DLG2: variants seen among roughly 807,000 people sequenced by gnomAD.
The protein encoded by DLG2 is disks large homolog 2.
In DLG2, 45 loss-of-function variants were observed where a neutral mutation model predicts 132.5. The observed-to-expected ratio is 0.34, with a 90% CI of 0.27 to 0.44. DLG2 has a LOEUF of 0.44. Ranked by LOEUF, DLG2 falls within the 20% of genes least tolerant of loss-of-function variation. DLG2 has a pLI of 1.00. For synonymous variants in DLG2, 424 were observed against 419.6 expected (o/e 1.01, Z -0.13); for missense variants, 1,045 against 1,196.9 (o/e 0.87, Z 1.87).
intron 15 of DLG2, among the ~76,000 whole-genome samples, chr11:83,919,242 T>C (rs900770559): frequency 1.8e-4 from 27 of 152,134 alleles, no homozygotes; most frequent in Admixed American, 1.3e-4. Flanking sequence ...ATGTCCAGTG[T>C]AGCTTAGGGT....
Position 85,076,958 on chromosome 11 carries a change from T to C in DLG2, c.357+34703A>G, listed in dbSNP as rs1319266035. On this transcript the variant is annotated intron_variant, in intron 6 of 27. Transcript: ENST00000376104. ...AATGAAGACACCCATTAATTCATTC[T>C]ACATATATTTATTTAGTGTTGTGCT... Among the ~76,000 whole-genome samples, 10 of 152,064 alleles carry C rather than the reference T, an allele frequency of 6.6e-5. 1 individual carries two copies. Among genetic ancestry groups the C allele is most frequent in the Admixed American group, 3.3e-4 (5 of 15,252 alleles).
intron 18 of DLG2, among the ~76,000 whole-genome samples, chr11:83,777,478 C>G (rs1339199064): frequency 6.6e-6 from 1 of 152,104 alleles, no homozygotes; most frequent in Non-Finnish European, 1.5e-5. Flanking sequence ...TCTTTAATGT[C>G]CTGAAATTGA....
intron 7 of DLG2, among the ~76,000 whole-genome samples, chr11:84,509,329 A>C (rs893480652): frequency 2.0e-5 from 3 of 152,244 alleles, no homozygotes. Flanking sequence ...AGGAAATTAC[A>C]ATCCTCAAGC....
chr11:83,692,009 C>T (rs945957801), intron 18 of DLG2: 4 of 152,138 alleles, frequency 2.6e-5, no homozygotes, highest in Non-Finnish European at 4.4e-5. Context: ...ATTTGTTATT[C>T]CCATTTTATA....
At chr11:85,004,586 G>T (rs1378134941) in intron 6 of DLG2, among the ~76,000 whole-genome samples, 4 of 152,036 alleles carry the variant, frequency 2.6e-5, no homozygotes, top group African/African-American at 9.7e-5. Context: ...TTGTAAATTT[G>T]TTTATATTAT....
At chr11:83,748,777 T>C (rs986108674) in intron 18 of DLG2, among the ~76,000 whole-genome samples, 1 of 152,168 alleles carries the variant, frequency 6.6e-6, no homozygotes, top group African/African-American at 2.4e-5. Flanking sequence ...CGGTAGAAAA[T>C]AGAAATGTAT....
chr11:84,092,802 C>G (rs766230609), intron 10 of DLG2, among the ~76,000 whole-genome samples: 1 of 152,040 alleles, frequency 6.6e-6, no homozygotes, highest in Non-Finnish European at 1.5e-5. Flanking sequence ...CTTTGGGAGG[C>G]TGAGGTGGGC....
intron 3 of DLG2, among the ~76,000 whole-genome samples, chr11:85,291,860 C>T (rs1317993876): frequency 1.3e-5 from 2 of 152,126 alleles, no homozygotes; most frequent in Admixed American, 6.5e-5. Flanking sequence ...GCTGGGATTA[C>T]AGGCATAAGC....
intron 6 of DLG2, among the ~76,000 whole-genome samples, chr11:85,082,668 A>T (rs770498775): frequency 2.0e-5 from 3 of 151,964 alleles, no homozygotes; most frequent in Non-Finnish European, 4.4e-5. Context: ...AAAGTAAATT[A>T]AAAAAACAAT....
intron 3 of DLG2, among the ~76,000 whole-genome samples, chr11:85,478,622 G>A (rs1219519134): frequency 1.3e-5 from 2 of 152,284 alleles, no homozygotes; most frequent in East Asian, 1.9e-4. Context: ...CTGAGGCTGA[G>A]TTTGCTTATT....
intron 6 of DLG2, among the ~76,000 whole-genome samples, chr11:84,710,815 C>T (rs1432895963): frequency 6.6e-6 from 1 of 151,184 alleles, no homozygotes. Flanking sequence ...CACACACATA[C>T]ACACACACAA....
intron 3 of DLG2, among the ~76,000 whole-genome samples, chr11:85,584,311 T>C (rs1591026465): frequency 6.6e-6 from 1 of 151,818 alleles, no homozygotes; most frequent in African/African-American, 2.4e-5. Context: ...CATTATCTCA[T>C]TCCTTTTATG....
intron 3 of DLG2, among the ~76,000 whole-genome samples, chr11:85,537,446 T>A (rs2075668116): frequency 6.6e-6 from 1 of 152,194 alleles, no homozygotes; most frequent in Non-Finnish European, 1.5e-5. Flanking sequence ...GTCTGCAGGT[T>A]CACTCCTGAA....
intron 6 of DLG2, among the ~76,000 whole-genome samples, chr11:85,009,340 GAAATA>G (rs1232972630): frequency 6.6e-6 from 1 of 152,014 alleles, no homozygotes; most frequent in Non-Finnish European, 1.5e-5. Flanking sequence ...AGAGCTATAA[GAAATA>G]AAATAAATGG....
chr11:83,793,928 A>G (rs2042169116), intron 17 of DLG2, among the ~76,000 whole-genome samples: 1 of 152,164 alleles, frequency 6.6e-6, no homozygotes, highest in Admixed American at 6.5e-5. Context: ...GGAGTAGAAG[A>G]GCCTTAGAAA....
At chr11:85,051,680 A>G (rs1306924380) in intron 6 of DLG2, among the ~76,000 whole-genome samples, 1 of 152,188 alleles carries the variant, frequency 6.6e-6, no homozygotes, top group Admixed American at 6.5e-5. Context: ...AAGAAATTAG[A>G]CCTTAATCCC....
chr11:84,726,157 G>A (rs139304698), intron 6 of DLG2, among the ~76,000 whole-genome samples: 1 of 152,216 alleles, frequency 6.6e-6, no homozygotes, highest in East Asian at 1.9e-4. Context: ...AGGTACATGT[G>A]CAGAATGTGC....
chr11:84,606,965 A>G (rs1366775450), intron 6 of DLG2, among the ~76,000 whole-genome samples: 1 of 152,110 alleles, frequency 6.6e-6, no homozygotes, highest in Admixed American at 6.6e-5. Flanking sequence ...TCATATTTGA[A>G]AGCATTTTAT....
chr11:84,107,013 T>TGAGAGGGAGA (rs2093006138), intron 9 of DLG2, among the ~76,000 whole-genome samples: 1 of 126,106 alleles, frequency 7.9e-6, no homozygotes, highest in Non-Finnish European at 1.7e-5. Flanking sequence ...TGTGTGTGTG[T>TGAGAGGGAGA]GAGAGAGTTT....
Sources: gnomAD v4.1 joint callset for allele counts (sites outside exome capture counted in the v4.1 genomes callset) on GRCh38, gnomAD v4.1.1 for gene constraint, MANE v1.5 for transcripts, NCBI Gene and HGNC (gene_info 2026-07-23, HGNC 2026-07-21) for gene names.